The following ROBO2 variants were observed in gnomAD, a reference collection of about 807,000 sequenced individuals.
The protein encoded by ROBO2 is roundabout homolog 2.
ROBO2 carries 53 observed loss-of-function variants against 160.8 expected under a neutral mutation model. The ratio of observed to expected loss-of-function variants is 0.33; its 90% CI spans 0.26 to 0.41. The LOEUF (loss-of-function observed/expected upper bound fraction) is 0.41, where lower values mean the gene tolerates loss of function less well. ROBO2 is among the 10% of genes least tolerant of loss of function. ROBO2 has a pLI of 1.00. For missense variants in ROBO2, 1,577 were observed against 1,722.4 expected, an observed-to-expected ratio of 0.92 and a Z score of 1.49; for synonymous variants, 664 against 611.7, an observed-to-expected ratio of 1.09 and a Z score of -1.26.
At chr3:75,926,270 G>C (rs1357660931) in intron 1 of ROBO2, among the ~76,000 whole-genome samples, 1 of 152,178 alleles carries the variant, frequency 6.6e-6, no homozygotes, top group Admixed American at 6.5e-5. Context: ...TTTAAGTTCA[G>C]GGGTACAAGT....
intron 2 of ROBO2, among the ~76,000 whole-genome samples, chr3:75,951,593 C>A (rs1046923959): frequency 1.3e-5 from 2 of 151,980 alleles, no homozygotes; most frequent in Non-Finnish European, 2.9e-5. Context: ...CAGAAATTAG[C>A]CTAAGTTAAG....
chr3:77,022,097 T>C (rs1424822397), intron 2 of ROBO2, among the ~76,000 whole-genome samples: 1 of 152,022 alleles, frequency 6.6e-6, no homozygotes, highest in East Asian at 1.9e-4. Flanking sequence ...AGACCAGGCA[T>C]GGTGGCTTAT....
At chr3:76,861,793 C>T (rs1481720154) in intron 2 of ROBO2, among the ~76,000 whole-genome samples, 2 of 152,080 alleles carry the variant, frequency 1.3e-5, no homozygotes, top group Non-Finnish European at 2.9e-5. Context: ...TGGTGACTTC[C>T]CATTCAGTAA....
intron 2 of ROBO2, among the ~76,000 whole-genome samples, chr3:76,086,750 T>G (rs2069028888): frequency 6.6e-6 from 1 of 152,164 alleles, no homozygotes; most frequent in Non-Finnish European, 1.5e-5. Context: ...ACAAGAAATT[T>G]TTTATTTAGT....
chr3:76,854,908 C>T (rs1213149014), intron 2 of ROBO2, among the ~76,000 whole-genome samples: 1 of 152,058 alleles, frequency 6.6e-6, no homozygotes, highest in Non-Finnish European at 1.5e-5. Flanking sequence ...ATATCCGAAC[C>T]AAAAGAACCT....
intron 16 of ROBO2, among the ~76,000 whole-genome samples, chr3:77,586,361 T>C (rs1421982268): frequency 1.3e-5 from 2 of 152,158 alleles, no homozygotes; most frequent in Non-Finnish European, 2.9e-5. Flanking sequence ...TAGTTGGTTA[T>C]AATATGTGGA....
chr3:76,410,780 T>C (rs1054895340), intron 2 of ROBO2, among the ~76,000 whole-genome samples: 1 of 152,148 alleles, frequency 6.6e-6, no homozygotes, highest in Non-Finnish European at 1.5e-5. Flanking sequence ...TATAAACATA[T>C]TGTTGAAAGG....
chr3:75,922,369 A>C (rs953439341), intron 1 of ROBO2, among the ~76,000 whole-genome samples: 4 of 152,118 alleles, frequency 2.6e-5, no homozygotes, highest in African/African-American at 9.7e-5. Context: ...AATAACAGAA[A>C]ATTTTTTAAA....
chr3:77,381,701 G>T (rs1352395249), intron 2 of ROBO2, among the ~76,000 whole-genome samples: 4 of 152,142 alleles, frequency 2.6e-5, no homozygotes. Context: ...ATGACTTCAG[G>T]CAAGGGTACT....
intron 2 of ROBO2, among the ~76,000 whole-genome samples, chr3:76,130,846 C>A (rs1021549974): frequency 6.6e-6 from 1 of 152,100 alleles, no homozygotes; most frequent in Non-Finnish European, 1.5e-5. Flanking sequence ...GAATACAGTT[C>A]TATTTTTCAA....
At chr3:76,405,763 T>TATAA (rs1181706021) in intron 2 of ROBO2, among the ~76,000 whole-genome samples, 1 of 151,692 alleles carries the variant, frequency 6.6e-6, no homozygotes, top group African/African-American at 2.4e-5. Flanking sequence ...AAAGCACTCA[T>TATAA]ATAAGTAGCT....
intron 16 of ROBO2, among the ~76,000 whole-genome samples, chr3:77,586,132 T>C (rs1450007217): frequency 1.3e-5 from 2 of 152,150 alleles, no homozygotes; most frequent in Non-Finnish European, 2.9e-5. Flanking sequence ...TTCTTTTCTG[T>C]GCAGTTTCCT....
chr3:77,076,840 T>C (rs1385891751), intron 1 of ROBO2, among the ~76,000 whole-genome samples: 1 of 152,204 alleles, frequency 6.6e-6, no homozygotes, highest in Non-Finnish European at 1.5e-5. Flanking sequence ...AATTATAGGT[T>C]TTCAGTTTTG....
At chr3:77,549,136 C>A (rs1039858670) in intron 7 of ROBO2, among the ~76,000 whole-genome samples, 5 of 151,826 alleles carry the variant, frequency 3.3e-5, no homozygotes, top group African/African-American at 1.2e-4. Context: ...TTGCCTATGT[C>A]ATGCAAGCAG....
At chr3:76,433,844 T>C (rs575178209) in intron 2 of ROBO2, among the ~76,000 whole-genome samples, 1 of 152,344 alleles carries the variant, frequency 6.6e-6, no homozygotes, top group South Asian at 2.1e-4. Flanking sequence ...AAAGACATAA[T>C]TGCTACTTTA....
intron 2 of ROBO2, among the ~76,000 whole-genome samples, chr3:76,338,086 A>G (rs1047632477): frequency 6.6e-6 from 1 of 152,158 alleles, no homozygotes; most frequent in Non-Finnish European, 1.5e-5. Context: ...AGGGGGAAAA[A>G]GTGCCTAATA....
intron 2 of ROBO2, among the ~76,000 whole-genome samples, chr3:76,882,791 C>G (rs1262427300): frequency 1.3e-5 from 2 of 152,072 alleles, no homozygotes; most frequent in Non-Finnish European, 2.9e-5. Context: ...TACGTTTGTA[C>G]TAGGAAACTA....
At chr3:76,523,362 CTTCT>C in intron 2 of ROBO2, among the ~76,000 whole-genome samples, 1 of 152,112 alleles carries the variant, frequency 6.6e-6, no homozygotes, top group East Asian at 1.9e-4. Context: ...TTTTACCTTC[CTTCT>C]GTTACTTGGA....
At chr3:76,435,541 C>T in intron 2 of ROBO2, 1 of 599,110 alleles carries the variant, frequency 1.7e-6, no homozygotes, top group Non-Finnish European at 3.0e-6. Flanking sequence ...TGCTTCTCTG[C>T]TCTGAGAAGC....
Sources: allele counts gnomAD v4.1 joint callset (sites outside exome capture counted in the v4.1 genomes callset), GRCh38; gene constraint gnomAD v4.1.1; transcripts MANE v1.5; gene names NCBI Gene and HGNC (gene_info 2026-07-23, HGNC 2026-07-21).